The following DBF4B variants were observed in gnomAD, a reference collection of about 807,000 sequenced individuals.
DBF4B encodes the protein DBF4B-CDC7 kinase regulatory subunit.
In DBF4B, 49 loss-of-function variants were observed where a neutral mutation model predicts 53.4. That is an observed-to-expected ratio of 0.92 (90% CI 0.73 to 1.16). The LOEUF is 1.16. Ranked by LOEUF, DBF4B falls within the 50% of genes most tolerant of loss-of-function variation. The probability of loss-of-function intolerance (pLI) is 0.00; values close to 1 mark genes in which losing one functional copy is unlikely to be tolerated. For synonymous variants in DBF4B, 257 were observed against 288.7 expected (o/e 0.89, Z 1.11); for missense variants, 692 against 775.0 (o/e 0.89, Z 1.27).
At position 44,708,827 on chromosome 17, in the gene DBF4B, G is replaced by A. The variant is rs1416538411; in HGVS notation, c.7G>A (p.Glu3Lys). 5.2e-6 allele frequency: 8 copies of A among 1,551,514 alleles called. No homozygotes were observed. The highest frequency in any genetic ancestry group is 2.6e-6 in the Non-Finnish European group (3 of 1,147,038). Residue 3 changes from glutamate to lysine, a missense_variant, in exon 1 of 14, where the codon GAA becomes AAA. Around this residue, in one of 3 missense-constraint regions of DBF4B, gnomAD observed 66 missense variants for 51.3 expected, o/e 1.29. Coordinates refer to ENST00000315005, the MANE Select transcript of DBF4B (RefSeq NM_145663.3). ...GAGAAGGAGCCGGCATTTGATGAGC[G>A]AACCGGGAAAGGGTACGGATGCCGG... MS[E>K]PGKGDDCLEL... is the part of the protein sequence containing the mutation.
In DBF4B at chr17:44,751,964, G is replaced by GT; in HGVS notation, c.*712dup. 8.5e-6 allele frequency: 13 copies of GT among 1,535,440 alleles called. No individual in the cohort carries two copies. Among genetic ancestry groups the GT allele is most frequent in the Non-Finnish European group, 1.1e-5 (13 of 1,146,690 alleles). On this transcript the variant is annotated 3_prime_UTR_variant, in exon 14 of 14. Coordinates refer to ENST00000315005, the MANE Select transcript of DBF4B (RefSeq NM_145663.3). ...GCACAGGCCTTGCCGTCTGCCCTGA[G>GT]TCAGCTCCGAGACACCTGAAGAGCC...
rs761251928 is a variant in DBF4B at position 44,747,185 on chromosome 17, C to T, written c.933C>T (p.Leu311=). 6.2e-7 allele frequency: 1 copy of T among 1,613,904 alleles called. No individual in the cohort carries two copies. Among genetic ancestry groups the T allele is most frequent in the Non-Finnish European group, 8.5e-7 (1 of 1,180,018 alleles). ...GCTGTCAGGAGGCCTTCGAGGAGCT[C>T]CATGTGGTGAGCCCCTTCCCCATTA... is the stretch of plus-strand genomic sequence containing the variant. ...CECCQEAFEE[L]HVHLQSAQHR... is the part of the protein sequence containing the mutation. The change falls in exon 11 of 14, where the codon CTC becomes CTT. Residue 311 remains leucine (L), a synonymous_variant. Coordinates refer to ENST00000315005, the MANE Select transcript of DBF4B (RefSeq NM_145663.3).
rs141931343 is a variant in DBF4B at position 44,751,240 on chromosome 17, T to C, written c.1835T>C (p.Val612Ala). The C allele has an allele frequency of 6.2e-7, 1 of 1,612,988 alleles. No individual in the cohort carries two copies. The highest frequency in any genetic ancestry group is 8.5e-7 in the Non-Finnish European group (1 of 1,179,634). Reference protein sequence around the residue: ...QPFLHCGFLAVDSG With the variant: ...QPFLHCGFLAADSG ...TTTCTCCATTGCGGCTTCCTGGCTG[T>C]AGACTCAGGTTAGAGGTGAACCCAG... Residue 612 changes from valine (V) to alanine (A), a missense_variant, in exon 14 of 14, where the codon GTA becomes GCA. Physicochemically the swap from Val to Ala is moderately conservative, Grantham distance 64 (BLOSUM62 0). Transcript: ENST00000315005.
At chr17:44,743,760 C>A (rs536372690) in intron 10 of DBF4B, among the ~76,000 whole-genome samples, 11 of 151,924 alleles carry the variant, frequency 7.2e-5, no homozygotes, top group African/African-American at 2.7e-4. Context: ...ACAGTGCACA[C>A]CACCTCGCCC....
At chr17:44,729,727 C>CA (rs3223649) in intron 3 of DBF4B, among the ~76,000 whole-genome samples, 178 bp from the exon 4 acceptor site, 3,606 of 144,828 alleles carry the variant, frequency 0.025, 164 homozygotes, top group African/African-American at 0.089. Context: ...CACACACACA[C>CA]CCCATTAGAT....
At chr17:44,723,246 A>G (rs1206264711) in intron 3 of DBF4B, among the ~76,000 whole-genome samples, 1 of 152,176 alleles carries the variant, frequency 6.6e-6, no homozygotes, top group Non-Finnish European at 1.5e-5. Context: ...AGCTGAGATG[A>G]CAGGCACACA....
chr17:44,734,123 C>T lies in DBF4B; in HGVS notation c.590C>T (p.Ala197Val), dbSNP rs143162359. The T allele has an allele frequency of 7.6e-5, 122 of 1,614,166 alleles. No individual in the cohort carries two copies. In the African/African-American group the frequency reaches 1.4e-3, roughly 19 times the overall value. The change falls in exon 7 of 14, where the codon GCG (alanine) becomes GTG (valine). Residue 197 changes from alanine (A) to valine (V), a missense_variant. Physicochemically the swap from Ala to Val is moderately conservative, Grantham distance 64. Transcript: ENST00000315005. ...ATGCACGTGCAACAGCTGTCTCTTG[C>T]GTCTTTATGTGTGAAAAAACAACAG... ...MMMHVQQLSL[A>V]SLCVKKQQPK... is the part of the protein sequence containing the mutation.
chr17:44,743,177 T>C (rs913887496), intron 10 of DBF4B, among the ~76,000 whole-genome samples: 5 of 152,108 alleles, frequency 3.3e-5, no homozygotes, highest in African/African-American at 1.2e-4. Context: ...GGCCTTGGGA[T>C]CACAGAGGAG....
intron 2 of DBF4B, among the ~76,000 whole-genome samples, chr17:44,709,940 A>C (rs957741541): frequency 7.3e-5 from 11 of 151,670 alleles, no homozygotes; most frequent in African/African-American, 2.7e-4. Flanking sequence ...TTGGGAGGCC[A>C]AGGCGGGCGG....
Position 44,751,110 on chromosome 17 carries a change from C to G in DBF4B, c.1705C>G (p.Arg569Gly). 1 of 1,614,128 alleles carries G rather than the reference C, an allele frequency of 6.2e-7. No individual in the cohort carries two copies. Among genetic ancestry groups the G allele is most frequent in the Non-Finnish European group, 8.5e-7 (1 of 1,180,004 alleles). Residue 569 changes from arginine (R) to glycine (G), a missense_variant, in exon 14 of 14, where the codon CGA (arginine) becomes GGA (glycine). Transcript: ENST00000315005. ...PSLSTAGPIP[R>G]TSHPCTLAFP... is the part of the protein sequence containing the mutation. The stretch of plus-strand genomic sequence containing the variant: ...ATTGTCAACTGCAGGACCCATTCCC[C>G]GAACCTCACATCCGTGTACCCTTGC...
chr17:44,751,132 T>TTGCCTTCCCCTCCTATC lies in DBF4B; in HGVS notation c.1729_1745dup (p.Asn583ProfsTer36). On this transcript the variant is annotated frameshift_variant, in exon 14 of 14. Coordinates refer to ENST00000315005, the MANE Select transcript of DBF4B (RefSeq NM_145663.3). LOFTEE classifies it low-confidence loss of function (END_TRUNC). The stretch of plus-strand genomic sequence containing the variant: ...CCCCGAACCTCACATCCGTGTACCC[T>TTGCCTTCCCCTCCTATC]TGCCTTCCCCTCCTATCTCAATGAT... The TTGCCTTCCCCTCCTATC allele has an allele frequency of 6.2e-7, 1 of 1,614,056 alleles. No individual in the cohort carries two copies.
rs959146155 is a variant in DBF4B at position 44,751,661 on chromosome 17, T to C, written c.*408T>C. Reference sequence around the variant, plus strand: ...TTCAAATACTTGAAGGCTCCCACCTTCTGTTCTCTGGCTCCTTCCTGCGGT... The same window carrying C: ...TTCAAATACTTGAAGGCTCCCACCTCCTGTTCTCTGGCTCCTTCCTGCGGT... On this transcript the variant is annotated 3_prime_UTR_variant, in exon 14 of 14. Coordinates refer to ENST00000315005, the MANE Select transcript of DBF4B (RefSeq NM_145663.3). 2.2e-6 allele frequency: 3 copies of C among 1,392,730 alleles called. No individual in the cohort carries two copies. The highest frequency in any genetic ancestry group is 2.8e-6 in the Non-Finnish European group (3 of 1,074,918). The allele number at this position is 1,392,730 out of a possible 1,614,324, so 86.3% of individuals were successfully genotyped here. A position where few individuals can be genotyped will look rare whatever the true frequency, so the allele number is the denominator to read the frequency against.
At chr17:44,718,207 G>A (rs888350927) in intron 2 of DBF4B, among the ~76,000 whole-genome samples, 12 of 152,014 alleles carry the variant, frequency 7.9e-5, no homozygotes, top group Middle Eastern at 3.4e-3. Context: ...CGAGGCGGGC[G>A]GATCATGAGT....
intron 3 of DBF4B, among the ~76,000 whole-genome samples, chr17:44,726,653 G>C (rs1974371465): frequency 6.6e-6 from 1 of 151,914 alleles, no homozygotes; most frequent in African/African-American, 2.4e-5. Flanking sequence ...TGCATCATTT[G>C]CGGTGGGAAT....
At chr17:44,731,197 C>G (rs1974802957) in intron 5 of DBF4B, 182 bp downstream of exon 5, 1 of 655,978 alleles carries the variant, frequency 1.5e-6, no homozygotes, top group East Asian at 3.1e-5. Flanking sequence ...TAGCCATTCA[C>G]CTAGAGAGTA....
intron 3 of DBF4B, among the ~76,000 whole-genome samples, chr17:44,724,113 AAAG>A (rs2144862844): frequency 6.6e-6 from 1 of 152,142 alleles, no homozygotes; most frequent in East Asian, 1.9e-4. Context: ...TGTCTCAAAA[AAAG>A]GCTGGGTGCG....
At chr17:44,727,102 A>G (rs1364156268) in intron 3 of DBF4B, among the ~76,000 whole-genome samples, 2,866 of 144,864 alleles carry the variant, frequency 0.02, 39 homozygotes, top group South Asian at 0.031. Flanking sequence ...CCATCTCAAA[A>G]AAAAAAAAAA....
At chr17:44,743,884 A>G (rs1184887836) in intron 10 of DBF4B, among the ~76,000 whole-genome samples, 1 of 151,898 alleles carries the variant, frequency 6.6e-6, no homozygotes, top group Non-Finnish European at 1.5e-5. Flanking sequence ...CTGGGATTAC[A>G]GGTGTGGGCC....
intron 13 of DBF4B, 153 bp from the exon 14 acceptor site, chr17:44,750,442 A>G: frequency 1.0e-6 from 1 of 985,416 alleles, no homozygotes; most frequent in Non-Finnish European, 1.2e-6. Flanking sequence ...TAGAGCAACT[A>G]TGTGTACAGC....
Sources: allele counts gnomAD v4.1 joint callset (sites outside exome capture counted in the v4.1 genomes callset), GRCh38; gene constraint gnomAD v4.1.1; regional missense constraint gnomAD v4.1.1; transcripts MANE v1.5; gene names NCBI Gene and HGNC (gene_info 2026-07-23, HGNC 2026-07-21).